MARCHF10: variants seen among roughly 807,000 people sequenced by gnomAD.
The protein encoded by MARCHF10 is probable E3 ubiquitin-protein ligase MARCHF10.
A neutral mutation model predicts 76.2 loss-of-function variants in MARCHF10; 64 were observed. That is an observed-to-expected ratio of 0.84 (90% CI 0.69 to 1.03). The LOEUF is 1.03. Among genes scored for constraint, MARCHF10 ranks in the 50% least tolerant of loss-of-function variants. The probability of loss-of-function intolerance (pLI) is 0.00; values close to 1 mark genes in which losing one functional copy is unlikely to be tolerated. For missense variants in MARCHF10, 875 were observed against 958.0 expected (o/e 0.91, Z 1.14); for synonymous variants, 340 against 357.5 (o/e 0.95, Z 0.55).
chr17:62,711,296 G>A lies in MARCHF10; in HGVS notation c.2263C>T (p.His755Tyr). 1 of 1,614,142 alleles carries A rather than the reference G, an allele frequency of 6.2e-7. No homozygotes were observed. The highest frequency in any genetic ancestry group is 1.7e-5 in the Admixed American group (1 of 60,020). ...TCTGCAAACCTCTGCTCATAGAGGT[G>A]AAGCAGCAGCACCAGGTACAAGCCT... ...NSGLYLVLLL[H>Y]LYEQRFAELM... is the part of the protein sequence containing the mutation. The change falls in exon 9 of 11, where the codon CAC (histidine) becomes TAC (tyrosine). Residue 755 changes from histidine (H) to tyrosine (Y), a missense_variant. Physicochemically the swap from His to Tyr is moderately conservative, Grantham distance 83 (BLOSUM62 2). Transcript: ENST00000311269. The surrounding 1 kb of genome is among the most constrained non-coding windows in gnomAD (Gnocchi z 4.4).
chr17:62,736,960 A>G lies in MARCHF10; in HGVS notation c.908T>C (p.Val303Ala). 1 of 1,614,020 alleles carries G rather than the reference A, an allele frequency of 6.2e-7. No homozygotes were observed. Among genetic ancestry groups the G allele is most frequent in the Non-Finnish European group, 8.5e-7 (1 of 1,180,012 alleles). Residue 303 changes from valine (V) to alanine (A), a missense_variant, in exon 6 of 11, where the codon GTT (valine) becomes GCT (alanine). By Grantham distance (64) the Val-to-Ala change is moderately conservative. Coordinates refer to ENST00000311269, the MANE Select transcript of MARCHF10 (RefSeq NM_152598.4). Reference sequence around the variant, plus strand: ...AGGAGAACAGGGTGAGCGCACACCAACCCACAGACATTCTTCAGACTGGGT... The same window carrying G: ...AGGAGAACAGGGTGAGCGCACACCAGCCCACAGACATTCTTCAGACTGGGT... ...EETQSEECLWVGVRSPCSPSH... is the reference protein window; with the variant it reads ...EETQSEECLWAGVRSPCSPSH...
intron 2 of MARCHF10, 147 bp from the exon 3 acceptor site, chr17:62,788,746 AG>A: frequency 8.5e-7 from 1 of 1,172,134 alleles, no homozygotes; most frequent in Non-Finnish European, 1.2e-6. Context: ...TATAAAGACC[AG>A]GTATCACTCT....
At chr17:62,791,154 G>A (rs2092835366) in intron 2 of MARCHF10, among the ~76,000 whole-genome samples, 1 of 152,206 alleles carries the variant, frequency 6.6e-6, no homozygotes, top group African/African-American at 2.4e-5. Context: ...AGAAACCCAG[G>A]TAATCCTAAA....
At position 62,736,701 on chromosome 17, in the gene MARCHF10, G is replaced by A. The variant is rs759111575; in HGVS notation, c.1167C>T (p.Asp389=). 3.0e-5 allele frequency: 48 copies of A among 1,614,076 alleles called. 1 individual carries two copies. The highest frequency in any genetic ancestry group is 3.0e-4 in the South Asian group (27 of 91,066). The change falls in exon 6 of 11, where the codon GAC becomes GAT. Residue 389 remains aspartate, a synonymous_variant. Transcript: ENST00000311269. ...TTTTCGCATTTTCACTGCCACCTCTGTCCTTCTCTGTAGCAGATTCCCTAT... is the reference window on the plus strand; with the variant it reads ...TTTTCGCATTTTCACTGCCACCTCTATCCTTCTCTGTAGCAGATTCCCTAT... The part of the protein sequence containing the change: ...LPDRESATEK[D]RGGSENAKKS...
In MARCHF10 at chr17:62,805,921, T is replaced by A. The variant is rs867896305; in HGVS notation, c.-18+2156A>T. ...TCCCCTCAAAAATAAAAAAAAATAATAATAATAATAATAAAATAATAAAAA... is the reference window on the plus strand; with the variant it reads ...TCCCCTCAAAAATAAAAAAAAATAAAAATAATAATAATAAAATAATAAAAA... On this transcript the variant is annotated intron_variant, in intron 1 of 10. Transcript: ENST00000311269. Among the ~76,000 whole-genome samples, 1,309 of 149,288 alleles carry A rather than the reference T, an allele frequency of 8.8e-3. 8 individuals are homozygous for A. Among genetic ancestry groups the A allele is most frequent in the African/African-American group, 0.017 (698 of 40,642 alleles).
At chr17:62,788,718 C>CAAATACCTCTCACCAAGTATAAAGTAT in intron 2 of MARCHF10, 119 bp from the exon 3 acceptor site, 1 of 1,322,952 alleles carries the variant, frequency 7.6e-7, no homozygotes, top group Non-Finnish European at 1.1e-6. Flanking sequence ...AGGTGTTCAT[C>CAAATACCTCTCACCAAGTATAAAGTAT]AAATACCTCT....
chr17:62,752,984 G>A (rs535782706), intron 4 of MARCHF10, among the ~76,000 whole-genome samples: 8 of 152,206 alleles, frequency 5.3e-5, no homozygotes, highest in South Asian at 4.2e-4. Context: ...ATGCCCCGTC[G>A]CCTCCAGCAT....
intron 4 of MARCHF10, among the ~76,000 whole-genome samples, chr17:62,753,883 A>G (rs1405679840): frequency 1.6e-4 from 25 of 152,150 alleles, no homozygotes; most frequent in Admixed American, 1.6e-3. Flanking sequence ...CCCGGCAGGT[A>G]AATACGTATA....
chr17:62,705,613 G>GT (rs1568086294), intron 9 of MARCHF10, 32 bp from the exon 10 acceptor site: 2 of 1,612,970 alleles, frequency 1.2e-6, no homozygotes, highest in Non-Finnish European at 8.5e-7. Context: ...GAAATGAATT[G>GT]TTTTTTCCAA....
intron 6 of MARCHF10, among the ~76,000 whole-genome samples, chr17:62,732,347 G>T (rs2091058413): frequency 6.6e-6 from 1 of 152,172 alleles, no homozygotes; most frequent in Non-Finnish European, 1.5e-5. Context: ...AAAGCTGCAG[G>T]CATTAAGACG....
chr17:62,732,992 CAA>C lies in MARCHF10; in HGVS notation c.1937+2937_1937+2938del, dbSNP rs398041783. Among the ~76,000 whole-genome samples the C allele has an allele frequency of 9.4e-3, 624 of 66,516 alleles. 2 individuals are homozygous for C. Among genetic ancestry groups the C allele is most frequent in the African/African-American group, 0.031 (586 of 18,772 alleles). 43.6% of individuals were successfully genotyped at this position (66,516 alleles called of 152,430 possible). On this transcript the variant is annotated intron_variant, in intron 6 of 10. Transcript: ENST00000311269. ...TGGGCAATAGAGCAAGACTCAGTCTCAAAAAAAAAAAAAAAAAAAAGACAACA... is the reference window on the plus strand; with the variant it reads ...TGGGCAATAGAGCAAGACTCAGTCTCAAAAAAAAAAAAAAAAAAGACAACA...
At chr17:62,807,462 A>G (rs1446226286) in intron 1 of MARCHF10, among the ~76,000 whole-genome samples, 1 of 152,200 alleles carries the variant, frequency 6.6e-6, no homozygotes, top group Non-Finnish European at 1.5e-5. Context: ...TTCGACCATC[A>G]AGCCCAGAAG....
intron 2 of MARCHF10, among the ~76,000 whole-genome samples, chr17:62,796,408 G>T (rs1459730022): frequency 6.6e-6 from 1 of 152,154 alleles, no homozygotes; most frequent in Admixed American, 6.5e-5. Flanking sequence ...AGTTACTGTG[G>T]GTTGCCATTT....
At chr17:62,782,804 T>C (rs573067537) in intron 3 of MARCHF10, among the ~76,000 whole-genome samples, 1 of 152,104 alleles carries the variant, frequency 6.6e-6, no homozygotes, top group Non-Finnish European at 1.5e-5. Flanking sequence ...CCCAAAGGAT[T>C]GAGCCAGGCA....
chr17:62,765,342 A>T (rs1238541626), intron 3 of MARCHF10, among the ~76,000 whole-genome samples: 1 of 120,602 alleles, frequency 8.3e-6, no homozygotes, highest in African/African-American at 3.6e-5. Context: ...ACAGAGCAGG[A>T]CTCTGTCTCA....
rs1324838864 is a variant in MARCHF10, at chr17:62,701,558, AAG to A, written c.*143_*144del. 5 of 1,552,312 alleles carry A rather than the reference AAG, an allele frequency of 3.2e-6. No individual in the cohort carries two copies. In the African/African-American group the frequency reaches 6.8e-5, roughly 21 times the overall value. ...CATAGATGCTCAAGCCAGACCCCAA[AAG>A]AGAGTGGCACGAGGTGAAAATCTAA... On this transcript the variant is annotated 3_prime_UTR_variant, in exon 11 of 11. Transcript: ENST00000311269.
At chr17:62,723,233 T>G (rs2090578595) in intron 7 of MARCHF10, among the ~76,000 whole-genome samples, 1 of 150,100 alleles carries the variant, frequency 6.7e-6, no homozygotes, top group African/African-American at 2.5e-5. Context: ...AAACAGGCAT[T>G]CTAGATCAGC....
chr17:62,718,042 G>A (rs1177370515), intron 8 of MARCHF10, among the ~76,000 whole-genome samples: 2 of 152,176 alleles, frequency 1.3e-5, no homozygotes, highest in Non-Finnish European at 1.5e-5. Context: ...CAAGTCAGTC[G>A]AGCGTCTCTG....
chr17:62,755,048 C>T (rs11079485), intron 4 of MARCHF10, among the ~76,000 whole-genome samples: 78,634 of 152,038 alleles, frequency 0.52, 21,411 homozygotes, highest in East Asian at 0.7. Context: ...AAGAACCTGT[C>T]CTCACAATAA....
Sources: allele counts gnomAD v4.1 joint callset (sites outside exome capture counted in the v4.1 genomes callset), GRCh38; gene constraint gnomAD v4.1.1; non-coding constraint Gnocchi (gnomAD v3.1); transcripts MANE v1.5; gene names NCBI Gene and HGNC (gene_info 2026-07-23, HGNC 2026-07-21).